Variants in PRKCB observed in about 807,000 individuals in gnomAD.
PRKCB encodes the protein protein kinase C beta type.
Under a neutral mutation model 81.5 loss-of-function variants are expected in PRKCB, and 13 were observed. The ratio of observed to expected loss-of-function variants is 0.16; its 90% CI spans 0.10 to 0.25. PRKCB has a LOEUF of 0.25. Ranked by LOEUF, PRKCB falls within the 10% of genes least tolerant of loss-of-function variation. PRKCB has a pLI of 1.00. For synonymous variants in PRKCB, 335 were observed against 321.4 expected, an observed-to-expected ratio of 1.04 and a Z score of -0.45; for missense variants, 509 against 875.7, an observed-to-expected ratio of 0.58 and a Z score of 5.29.
intron 2 of PRKCB, among the ~76,000 whole-genome samples, chr16:23,966,871 C>CA (rs1964494247): frequency 6.6e-6 from 1 of 152,164 alleles, no homozygotes; most frequent in Non-Finnish European, 1.5e-5. Flanking sequence ...TTGTAGTGGA[C>CA]TAAGCTCTGA....
intron 9 of PRKCB, among the ~76,000 whole-genome samples, chr16:24,144,368 G>T (rs1241733179): frequency 6.6e-6 from 1 of 151,950 alleles, no homozygotes; most frequent in African/African-American, 2.4e-5. Flanking sequence ...ATGATCTCTC[G>T]GCTCACTGCA....
At chr16:23,978,259 C>CAT (rs1567332283) in intron 2 of PRKCB, among the ~76,000 whole-genome samples, 1 of 152,230 alleles carries the variant, frequency 6.6e-6, no homozygotes, top group Non-Finnish European at 1.5e-5. Flanking sequence ...CTTGGAAGGG[C>CAT]ATATGCCCCT....
chr16:23,994,772 C>G (rs899367920), intron 3 of PRKCB, among the ~76,000 whole-genome samples: 1 of 152,216 alleles, frequency 6.6e-6, no homozygotes, highest in Non-Finnish European at 1.5e-5. Flanking sequence ...TTTTCTCCAT[C>G]TCTGTCCATA....
At chr16:24,031,360 C>A (rs1430645217) in intron 3 of PRKCB, among the ~76,000 whole-genome samples, 1 of 152,144 alleles carries the variant, frequency 6.6e-6, no homozygotes, top group Non-Finnish European at 1.5e-5. Flanking sequence ...AGTTTGGGTC[C>A]AGGACAGTCA....
At chr16:24,038,417 C>G (rs1384944019) in intron 5 of PRKCB, among the ~76,000 whole-genome samples, 4 of 152,230 alleles carry the variant, frequency 2.6e-5, no homozygotes, top group Admixed American at 2.6e-4. Context: ...TTTCCAAATA[C>G]TTTGATATCA....
At chr16:24,078,382 C>G (rs1295403365) in intron 5 of PRKCB, among the ~76,000 whole-genome samples, 1 of 152,192 alleles carries the variant, frequency 6.6e-6, no homozygotes, top group Non-Finnish European at 1.5e-5. Flanking sequence ...CCTCGTCTGT[C>G]CTTCTTGTTT....
chr16:23,911,028 G>A (rs897222241), intron 2 of PRKCB, among the ~76,000 whole-genome samples: 3 of 151,204 alleles, frequency 2.0e-5, no homozygotes, highest in Non-Finnish European at 4.4e-5. Context: ...ACTTTCCATT[G>A]GGTGGATGGA....
At chr16:23,914,387 C>T (rs903657741) in intron 2 of PRKCB, among the ~76,000 whole-genome samples, 1 of 152,136 alleles carries the variant, frequency 6.6e-6, no homozygotes, top group Non-Finnish European at 1.5e-5. Flanking sequence ...TTCCTTTTCT[C>T]ATTAGCTACC....
At chr16:24,148,198 G>A (rs542991362) in intron 9 of PRKCB, among the ~76,000 whole-genome samples, 1 of 152,254 alleles carries the variant, frequency 6.6e-6, no homozygotes, top group South Asian at 2.1e-4. Context: ...TGCCTCCTGT[G>A]TCCCCGCCTT....
At chr16:24,095,904 A>G (rs1966432672) in intron 7 of PRKCB, among the ~76,000 whole-genome samples, 1 of 152,178 alleles carries the variant, frequency 6.6e-6, no homozygotes, top group Non-Finnish European at 1.5e-5. Flanking sequence ...TTATGTCTAC[A>G]CCTTAGCAGA....
At chr16:24,020,094 C>A (rs1006263692) in intron 3 of PRKCB, among the ~76,000 whole-genome samples, 2 of 152,150 alleles carry the variant, frequency 1.3e-5, no homozygotes, top group African/African-American at 4.8e-5. Flanking sequence ...AGGATGACAC[C>A]AATTGGCCCA....
intron 5 of PRKCB, among the ~76,000 whole-genome samples, chr16:24,072,589 T>TC (rs1966125072): frequency 1.4e-5 from 2 of 143,164 alleles, no homozygotes; most frequent in South Asian, 4.3e-4. Flanking sequence ...TCTCTCTCTC[T>TC]TTTTTTTTTG....
chr16:24,190,318 G>A (rs778729462), intron 15 of PRKCB, among the ~76,000 whole-genome samples: 3 of 152,140 alleles, frequency 2.0e-5, no homozygotes, highest in Non-Finnish European at 4.4e-5. Context: ...AATGCAAATG[G>A]TATCTGAATG....
intron 16 of PRKCB, chr16:24,208,363 T>G (rs191281617): frequency 6.6e-6 from 1 of 152,316 alleles, no homozygotes; most frequent in Admixed American, 6.5e-5. Context: ...CTGTTATTAA[T>G]TCAATGAAAC....
At chr16:24,108,169 TC>T (rs1373390910) in intron 7 of PRKCB, among the ~76,000 whole-genome samples, 4 of 141,368 alleles carry the variant, frequency 2.8e-5, no homozygotes, top group Non-Finnish European at 6.1e-5. Flanking sequence ...TATTTTTTTT[TC>T]TTTTTTTTTT....
intron 3 of PRKCB, among the ~76,000 whole-genome samples, chr16:24,027,493 G>A (rs575341593): frequency 2.2e-4 from 33 of 152,218 alleles, no homozygotes; most frequent in African/African-American, 6.3e-4. Context: ...TTACTAGGAC[G>A]GCACCTCAAT....
chr16:23,892,737 A>G (rs886115), intron 2 of PRKCB, among the ~76,000 whole-genome samples: 146,615 of 152,254 alleles, frequency 0.96, 70,637 homozygotes, highest in East Asian at 1. Flanking sequence ...GCTCAACACA[A>G]TCTGAGGGGA....
At chr16:23,982,094 CCTTTT>C (rs2141816382) in intron 2 of PRKCB, among the ~76,000 whole-genome samples, 1 of 60,404 alleles carries the variant, frequency 1.7e-5, no homozygotes, top group Non-Finnish European at 3.3e-5. Context: ...CCTTCCCTTT[CCTTTT>C]CCCTTCCCTT....
intron 3 of PRKCB, among the ~76,000 whole-genome samples, chr16:24,021,020 CTTT>C (rs1965362805): frequency 7.5e-6 from 1 of 133,428 alleles, no homozygotes; most frequent in Non-Finnish European, 1.6e-5. Context: ...TTCTTTCTTT[CTTT>C]CTTTCTTTCT....
Sources: gnomAD v4.1 joint callset for allele counts (sites outside exome capture counted in the v4.1 genomes callset) on GRCh38, gnomAD v4.1.1 for gene constraint, MANE v1.5 for transcripts, NCBI Gene and HGNC (gene_info 2026-07-23, HGNC 2026-07-21) for gene names.